HPCAL1: variants seen among roughly 807,000 people sequenced by gnomAD.
HPCAL1 encodes hippocalcin-like protein 1.
HPCAL1 carries 8 observed loss-of-function variants against 17.1 expected under a neutral mutation model. The observed-to-expected ratio is 0.47, with a 90% CI of 0.27 to 0.84. The LOEUF (loss-of-function observed/expected upper bound fraction) is 0.84. HPCAL1 is among the 40% of genes least tolerant of loss of function. The pLI, the probability that HPCAL1 is intolerant of heterozygous loss-of-function variation, is 0.13. For missense variants in HPCAL1, 165 were observed against 271.1 expected (o/e 0.61, Z 2.75); for synonymous variants, 112 against 111.4 (o/e 1.01, Z -0.03).
At chr2:10,337,869 C>T (rs1664814463) in intron 1 of HPCAL1, among the ~76,000 whole-genome samples, 1 of 152,182 alleles carries the variant, frequency 6.6e-6, no homozygotes, top group Admixed American at 6.5e-5. Flanking sequence ...ATGTTCCCGG[C>T]AGTACCTCCG....
chr2:10,311,869 CCAT>C (rs370709902), intron 1 of HPCAL1, among the ~76,000 whole-genome samples: 94 of 150,350 alleles, frequency 6.3e-4, no homozygotes, highest in Admixed American at 1.1e-3. Flanking sequence ...ATCCCCATCC[CCAT>C]CATCATCATT....
At chr2:10,375,690 A>G (rs1040563840) in intron 1 of HPCAL1, among the ~76,000 whole-genome samples, 1 of 152,188 alleles carries the variant, frequency 6.6e-6, no homozygotes, top group Non-Finnish European at 1.5e-5. Flanking sequence ...CCCTCACTGT[A>G]CAACAGGGAC....
chr2:10,305,186 G>C (rs1011822622), intron 1 of HPCAL1, among the ~76,000 whole-genome samples: 2 of 151,910 alleles, frequency 1.3e-5, no homozygotes, highest in Admixed American at 1.3e-4. Context: ...AGGGCTTTTG[G>C]TGTGAATCCT....
chr2:10,355,968 C>T (rs1018171356), intron 1 of HPCAL1, among the ~76,000 whole-genome samples: 1 of 152,132 alleles, frequency 6.6e-6, no homozygotes. Context: ...GCATTCTCTT[C>T]CCCAGGAACG....
intron 2 of HPCAL1, among the ~76,000 whole-genome samples, chr2:10,414,421 C>T (rs1298673788): frequency 1.3e-5 from 2 of 151,998 alleles, no homozygotes; most frequent in Admixed American, 6.5e-5. Flanking sequence ...TTGTTTCCTC[C>T]AGAGGCCCCT....
rs140397623 is a variant in HPCAL1, at chr2:10,339,825, G to A, written c.-111+36648G>A. ...GGCAGGACGTAGCAACAGGGCTGGCGAAACGGAGGCCCCAGGCTTGTGGGC... is the reference window on the plus strand; with the variant it reads ...GGCAGGACGTAGCAACAGGGCTGGCAAAACGGAGGCCCCAGGCTTGTGGGC... On this transcript the variant is annotated intron_variant, in intron 1 of 4. Coordinates refer to ENST00000307845, the MANE Select transcript of HPCAL1 (RefSeq NM_002149.4). 6.1e-4 allele frequency among the ~76,000 whole-genome samples: 93 copies of A among 152,338 alleles called. 1 individual carries two copies. The East Asian group carries it at 0.017, about 28-fold the overall frequency.
intron 2 of HPCAL1, among the ~76,000 whole-genome samples, chr2:10,409,777 C>CTTTTT (rs34031495): frequency 2.1e-4 from 13 of 62,524 alleles, no homozygotes; most frequent in Non-Finnish European, 3.1e-4. Flanking sequence ...GAGCCTCAGT[C>CTTTTT]TTTTTTTTTT....
chr2:10,313,294 G>T (rs1041789382), intron 1 of HPCAL1, among the ~76,000 whole-genome samples: 34 of 152,310 alleles, frequency 2.2e-4, no homozygotes, highest in Admixed American at 2.0e-3. Context: ...CTCCCAGGGT[G>T]GTAGGCCACT....
At position 10,330,445 on chromosome 2, in the gene HPCAL1, G is replaced by A. The variant is rs1664289812; in HGVS notation, c.-111+27268G>A. 6.6e-6 allele frequency among the ~76,000 whole-genome samples: 1 copy of A among 152,112 alleles called. No homozygotes were observed. The highest frequency in any genetic ancestry group is 2.1e-4 in the South Asian group (1 of 4,824). On this transcript the variant is annotated intron_variant, in intron 1 of 4. Coordinates refer to ENST00000307845, the MANE Select transcript of HPCAL1 (RefSeq NM_002149.4). This position sits in a 1 kb window ranked among gnomAD's most constrained non-coding sequence, Gnocchi z 4.2. ...GTCAGCTCTGGCTGCTGGAAACGGG[G>A]TCATAGTCTGGGTGCCTTAAACAAC...
chr2:10,368,242 T>TGC (rs1666983998), intron 1 of HPCAL1, among the ~76,000 whole-genome samples: 1 of 150,806 alleles, frequency 6.6e-6, no homozygotes. Flanking sequence ...TGCATGTGTG[T>TGC]GTGTGCATTG....
chr2:10,388,128 G>C (rs1558508407), intron 1 of HPCAL1, among the ~76,000 whole-genome samples: 1 of 152,212 alleles, frequency 6.6e-6, no homozygotes, highest in African/African-American at 2.4e-5. Context: ...GGCCAAGACA[G>C]ACAGCAGACA....
Position 10,419,727 on chromosome 2 carries a change from C to CT in HPCAL1, c.-24-5dup. ...GTGGCGTCCCCGGCTGACCCCCTGT[C>CT]TTGCAGGTGTAGTCGCCGCCGCCAG... On this transcript the variant is annotated splice_polypyrimidine_tract_variant and splice_region_variant and intron_variant, in intron 2 of 4. Coordinates refer to ENST00000307845, the MANE Select transcript of HPCAL1 (RefSeq NM_002149.4). The surrounding 1 kb of genome is among the most constrained non-coding windows in gnomAD (Gnocchi z 5.0). The CT allele has an allele frequency of 6.3e-7, 1 of 1,588,322 alleles. No homozygotes were observed.
intron 1 of HPCAL1, among the ~76,000 whole-genome samples, chr2:10,309,093 G>T (rs1170294737): frequency 6.6e-6 from 1 of 151,854 alleles, no homozygotes; most frequent in Non-Finnish European, 1.5e-5. Flanking sequence ...GGAGTGCAGT[G>T]ATGTGATCCC....
At chr2:10,378,661 C>T (rs1165281563) in intron 1 of HPCAL1, among the ~76,000 whole-genome samples, 1 of 152,180 alleles carries the variant, frequency 6.6e-6, no homozygotes, top group Non-Finnish European at 1.5e-5. Context: ...GGCCCCACCC[C>T]CTACCACCAT....
Position 10,362,124 on chromosome 2 carries a change from G to A in HPCAL1, c.-110-34711G>A, listed in dbSNP as rs1444462192. 1.3e-5 allele frequency among the ~76,000 whole-genome samples: 2 copies of A among 152,250 alleles called. No homozygotes were observed. Among genetic ancestry groups the A allele is most frequent in the African/African-American group, 4.8e-5 (2 of 41,466 alleles). On this transcript the variant is annotated intron_variant, in intron 1 of 4. Coordinates refer to ENST00000307845, the MANE Select transcript of HPCAL1 (RefSeq NM_002149.4). The surrounding 1 kb of genome is among the most constrained non-coding windows in gnomAD (Gnocchi z 5.0). ...TCATGTGCCCAAGATCACTTAGCTA[G>A]TAAGTGATGGGCAGGGCTGTGGAGC... is the stretch of plus-strand genomic sequence containing the variant.
intron 1 of HPCAL1, among the ~76,000 whole-genome samples, chr2:10,360,822 C>T (rs1042566808): frequency 5.3e-5 from 8 of 151,808 alleles, no homozygotes; most frequent in African/African-American, 1.7e-4. Context: ...TAACCTGGGA[C>T]TCTCTTCTCC....
chr2:10,310,580 G>C lies in HPCAL1; in HGVS notation c.-111+7403G>C, dbSNP rs1015021307. On this transcript the variant is annotated intron_variant, in intron 1 of 4. Coordinates refer to ENST00000307845, the MANE Select transcript of HPCAL1 (RefSeq NM_002149.4). This position sits in a 1 kb window ranked among gnomAD's most constrained non-coding sequence, Gnocchi z 4.5. ...GCCTCATGCCTTCTGAGAAGCATCT[G>C]TCAGGGTCCCTGATGCACCTACAGA... Among the ~76,000 whole-genome samples the C allele has an allele frequency of 5.9e-5, 9 of 152,130 alleles. No homozygotes were observed. The highest frequency in any genetic ancestry group is 2.2e-4 in the African/African-American group (9 of 41,422).
intron 1 of HPCAL1, among the ~76,000 whole-genome samples, chr2:10,319,660 G>A (rs1026024105): frequency 6.6e-6 from 1 of 151,970 alleles, no homozygotes; most frequent in African/African-American, 2.4e-5. Flanking sequence ...ACCGGGCCTG[G>A]AGAGAGTATC....
chr2:10,397,652 G>A (rs1317763126), intron 2 of HPCAL1, among the ~76,000 whole-genome samples: 1 of 152,204 alleles, frequency 6.6e-6, no homozygotes, highest in South Asian at 2.1e-4. Flanking sequence ...TTTTCCATCC[G>A]GAATCCTTCC....
Sources: gnomAD v4.1 joint callset for allele counts (sites outside exome capture counted in the v4.1 genomes callset) on GRCh38, gnomAD v4.1.1 for gene constraint, Gnocchi (gnomAD v3.1) non-coding constraint, MANE v1.5 for transcripts, NCBI Gene and HGNC (gene_info 2026-07-23, HGNC 2026-07-21) for gene names.